The following CCDC3 variants were observed in gnomAD, a reference collection of about 807,000 sequenced individuals.
The protein encoded by CCDC3 is coiled-coil domain-containing protein 3.
A neutral mutation model predicts 21.4 loss-of-function variants in CCDC3; 24 were observed. The ratio of observed to expected loss-of-function variants is 1.12; its 90% CI spans 0.81 to 1.58. CCDC3 has a LOEUF of 1.58. Among genes scored for constraint, CCDC3 ranks in the 40% most tolerant of loss-of-function variants. CCDC3 has a pLI of 0.00. For synonymous variants in CCDC3, 186 were observed against 166.0 expected (o/e 1.12, Z -0.93); for missense variants, 425 against 360.9 (o/e 1.18, Z -1.44).
In CCDC3 at chr10:12,920,712, A is replaced by T. The variant is rs180997560; in HGVS notation, c.550-22033T>A. Among the ~76,000 whole-genome samples the T allele has an allele frequency of 1.5e-3, 233 of 152,166 alleles. 1 individual carries two copies. The highest frequency in any genetic ancestry group is 2.5e-3 in the Non-Finnish European group (173 of 68,014). On this transcript the variant is annotated intron_variant, in intron 2 of 2. Transcript: ENST00000378825. Reference sequence around the variant, plus strand: ...GTATCTTATTATATTCTGACATTCCACCCATATGGGAGGTTGTACCATTCT... The same window carrying T: ...GTATCTTATTATATTCTGACATTCCTCCCATATGGGAGGTTGTACCATTCT...
chr10:12,989,653 C>A (rs1386674569), intron 2 of CCDC3, among the ~76,000 whole-genome samples: 2 of 152,154 alleles, frequency 1.3e-5, no homozygotes, highest in Non-Finnish European at 2.9e-5. Context: ...AACTCCTGAT[C>A]TCAAGTGATC....
chr10:12,997,242 GA>G (rs35942622), intron 2 of CCDC3, among the ~76,000 whole-genome samples: 128,905 of 144,534 alleles, frequency 0.89, 57,975 homozygotes, highest in East Asian at 0.95. Flanking sequence ...TTCGTTAATG[GA>G]AAAAAAAAAA....
chr10:13,028,847 G>T (rs1456033263), intron 5 of CCDC3, among the ~76,000 whole-genome samples: 3 of 152,330 alleles, frequency 2.0e-5, no homozygotes, highest in Non-Finnish European at 4.4e-5. Flanking sequence ...CTCTTGAGAA[G>T]TAAGGAATTA....
intron 5 of CCDC3, among the ~76,000 whole-genome samples, chr10:13,027,288 C>T (rs993435668): frequency 6.6e-6 from 1 of 152,054 alleles, no homozygotes; most frequent in African/African-American, 2.4e-5. Flanking sequence ...GAGGGCATCC[C>T]CTCCACATCC....
chr10:13,034,878 T>C lies in CCDC3; in HGVS notation c.-2+14796A>G, dbSNP rs557999003. Reference sequence around the variant, plus strand: ...CATCTTTACTAAAAATACAAAAAATTAGCCAGGCATGTTGGCGGATGCCTG... The same window carrying C: ...CATCTTTACTAAAAATACAAAAAATCAGCCAGGCATGTTGGCGGATGCCTG... On this transcript the variant is annotated intron_variant, in intron 5 of 6. Transcript: ENST00000378839. Among the ~76,000 whole-genome samples, 8 of 151,926 alleles carry C rather than the reference T, an allele frequency of 5.3e-5. No homozygotes were observed. The East Asian group carries it at 1.6e-3, about 30-fold the overall frequency.
At chr10:13,013,919 G>C (rs899998736) in intron 5 of CCDC3, among the ~76,000 whole-genome samples, 2 of 152,176 alleles carry the variant, frequency 1.3e-5, no homozygotes, top group Admixed American at 1.3e-4. Context: ...GGGAGGCCGA[G>C]GCAGGGGGAT....
Position 12,935,756 on chromosome 10 carries a change from C to G in CCDC3, c.550-37077G>C, listed in dbSNP as rs558641232. 4.2e-4 allele frequency among the ~76,000 whole-genome samples: 63 copies of G among 151,770 alleles called. 1 individual carries two copies. The highest frequency in any genetic ancestry group is 1.1e-3 in the Admixed American group (17 of 15,244). ...TCTCGGCTCACTGCAAGCTCCGCCTCGCAGGTTCACGCCATTCTCCTGCCT... is the reference window on the plus strand; with the variant it reads ...TCTCGGCTCACTGCAAGCTCCGCCTGGCAGGTTCACGCCATTCTCCTGCCT... On this transcript the variant is annotated intron_variant, in intron 2 of 2. Coordinates refer to ENST00000378825, the MANE Select transcript of CCDC3 (RefSeq NM_031455.4).
At chr10:12,930,069 A>T (rs1358928686) in intron 2 of CCDC3, among the ~76,000 whole-genome samples, 1 of 152,230 alleles carries the variant, frequency 6.6e-6, no homozygotes, top group African/African-American at 2.4e-5. Flanking sequence ...GGGAAATGCT[A>T]GTTGGGGATT....
intron 2 of CCDC3, among the ~76,000 whole-genome samples, chr10:12,982,484 G>GT (rs1196556201): frequency 6.8e-6 from 1 of 147,888 alleles, no homozygotes; most frequent in African/African-American, 2.5e-5. Context: ...CATATTACGT[G>GT]TTTTTTACCA....
chr10:13,065,455 C>T (rs888353642), intron 4 of CCDC3, among the ~76,000 whole-genome samples: 8 of 152,146 alleles, frequency 5.3e-5, no homozygotes, highest in African/African-American at 1.9e-4. Context: ...GAACTTCTCA[C>T]TTCTTATTCT....
intron 2 of CCDC3, among the ~76,000 whole-genome samples, chr10:12,944,082 T>A (rs1834877589): frequency 6.6e-6 from 1 of 152,152 alleles, no homozygotes; most frequent in African/African-American, 2.4e-5. Flanking sequence ...GATACCAAAG[T>A]GACTCCAGTA....
At chr10:12,998,292 G>C in intron 2 of CCDC3, 46 bp downstream of exon 2, 1 of 1,585,412 alleles carries the variant, frequency 6.3e-7, no homozygotes, top group Admixed American at 1.7e-5. Context: ...ACAAGGTGTA[G>C]CTATACTATT....
chr10:12,975,272 G>A (rs1835398868), intron 2 of CCDC3, among the ~76,000 whole-genome samples: 1 of 152,086 alleles, frequency 6.6e-6, no homozygotes, highest in Non-Finnish European at 1.5e-5. Flanking sequence ...TGAGCGAGGA[G>A]GTGCTCAGTC....
intron 2 of CCDC3, among the ~76,000 whole-genome samples, chr10:12,958,539 G>C (rs1465461195): frequency 6.6e-6 from 1 of 152,204 alleles, no homozygotes; most frequent in South Asian, 2.1e-4. Flanking sequence ...CAGCCCAGAC[G>C]ATGTGGCAAA....
At chr10:12,982,205 G>C (rs963402916) in intron 2 of CCDC3, among the ~76,000 whole-genome samples, 3 of 150,612 alleles carry the variant, frequency 2.0e-5, no homozygotes, top group African/African-American at 7.3e-5. Flanking sequence ...GCAACGTGGA[G>C]GACCTTGAGG....
chr10:12,951,454 G>T (rs561081953), intron 2 of CCDC3, among the ~76,000 whole-genome samples: 5 of 152,092 alleles, frequency 3.3e-5, no homozygotes, highest in Admixed American at 1.3e-4. Flanking sequence ...AAATCCATCC[G>T]GGGGTCTCTA....
chr10:13,042,359 A>T (rs1588402195), intron 5 of CCDC3, among the ~76,000 whole-genome samples: 3 of 152,154 alleles, frequency 2.0e-5, no homozygotes, highest in African/African-American at 7.2e-5. Context: ...GCTTTCTGGG[A>T]TTTGAGGCAA....
chr10:13,025,689 A>C (rs1313793961), intron 5 of CCDC3, among the ~76,000 whole-genome samples: 1 of 152,178 alleles, frequency 6.6e-6, no homozygotes, highest in Non-Finnish European at 1.5e-5. Context: ...TCCTACTATC[A>C]ATTATCCTCA....
At chr10:12,958,810 C>A (rs1383379758) in intron 2 of CCDC3, among the ~76,000 whole-genome samples, 1 of 152,124 alleles carries the variant, frequency 6.6e-6, no homozygotes, top group Non-Finnish European at 1.5e-5. Context: ...AGCCTGCCAA[C>A]CCCCCTGGGA....
Sources: allele counts gnomAD v4.1 joint callset (sites outside exome capture counted in the v4.1 genomes callset), GRCh38; gene constraint gnomAD v4.1.1; transcripts MANE v1.5; gene names NCBI Gene and HGNC (gene_info 2026-07-23, HGNC 2026-07-21).